Variants in PSAP observed in about 807,000 individuals in gnomAD.
PSAP encodes the protein prosaposin.
PSAP carries 25 observed loss-of-function variants against 66.0 expected under a neutral mutation model. The ratio of observed to expected loss-of-function variants is 0.38; its 90% CI spans 0.28 to 0.53. The LOEUF (loss-of-function observed/expected upper bound fraction) is 0.53, where lower values mean the gene tolerates loss of function less well. Among genes scored for constraint, PSAP ranks in the 20% least tolerant of loss-of-function variants. The probability of loss-of-function intolerance (pLI) is 0.83; values close to 1 mark genes in which losing one functional copy is unlikely to be tolerated. For missense variants in PSAP, 649 were observed against 668.8 expected, an observed-to-expected ratio of 0.97 and a Z score of 0.33; for synonymous variants, 273 against 258.9, an observed-to-expected ratio of 1.05 and a Z score of -0.52.
chr10:71,820,942 G>A (rs909083427), intron 8 of PSAP, among the ~76,000 whole-genome samples: 2 of 152,260 alleles, frequency 1.3e-5, no homozygotes, highest in Non-Finnish European at 2.9e-5. Flanking sequence ...TGTGGCTGGT[G>A]TAGCCAAGGG....
intron 8 of PSAP, among the ~76,000 whole-genome samples, chr10:71,821,663 A>G (rs1842302360): frequency 6.6e-6 from 1 of 152,250 alleles, no homozygotes; most frequent in Non-Finnish European, 1.5e-5. Context: ...TAGGGTTTAC[A>G]ACCAAGGAAA....
intron 1 of PSAP, among the ~76,000 whole-genome samples, chr10:71,836,525 C>T (rs778869759): frequency 1.4e-4 from 22 of 152,110 alleles, no homozygotes; most frequent in Admixed American, 6.6e-5. Flanking sequence ...GATACACTGC[C>T]TAGCCCTACC....
At chr10:71,822,559 C>G (rs1395313493) in intron 7 of PSAP, 1 of 471,674 alleles carries the variant, frequency 2.1e-6, no homozygotes, top group Non-Finnish European at 4.4e-6. Flanking sequence ...AAACCCAACC[C>G]GCCAAATGGA....
In PSAP at chr10:71,816,559, T is replaced by C; in HGVS notation, c.*882A>G. 1 of 441,658 alleles carries C rather than the reference T, an allele frequency of 2.3e-6. No homozygotes were observed. Among genetic ancestry groups the C allele is most frequent in the Non-Finnish European group, 4.8e-6 (1 of 206,356 alleles). The allele number at this position is 441,658 out of a possible 1,614,324, so 27.4% of individuals were successfully genotyped here. A position where few individuals can be genotyped will look rare whatever the true frequency, so the allele number is the denominator to read the frequency against. ...CAGAGGCCTAGGAGCTCGCCATCCATATTTATTTGAAAAGGTCAAAAGGAG... is the reference window on the plus strand; with the variant it reads ...CAGAGGCCTAGGAGCTCGCCATCCACATTTATTTGAAAAGGTCAAAAGGAG... On this transcript the variant is annotated 3_prime_UTR_variant, in exon 14 of 14. Transcript: ENST00000394936.
chr10:71,824,483 G>A (rs931206393), intron 7 of PSAP, among the ~76,000 whole-genome samples: 1 of 152,208 alleles, frequency 6.6e-6, no homozygotes, highest in Non-Finnish European at 1.5e-5. Flanking sequence ...AAGGGGAAAG[G>A]CAGGGATATG....
intron 1 of PSAP, among the ~76,000 whole-genome samples, chr10:71,836,266 A>C (rs554044005): frequency 6.6e-6 from 1 of 152,334 alleles, no homozygotes; most frequent in South Asian, 2.1e-4. Flanking sequence ...ATCAGTACCA[A>C]GCTCCCCAGA....
rs749938050 is a variant in PSAP at position 71,851,239 on chromosome 10, C to T, written c.-18G>A. On this transcript the variant is annotated 5_prime_UTR_variant, in exon 1 of 14. Coordinates refer to ENST00000394936, the MANE Select transcript of PSAP (RefSeq NM_002778.4). The stretch of plus-strand genomic sequence containing the variant: ...GCGTACATAGCGCCGTCTGACTCCG[C>T]AGTCTGCAATGCGGAGCGTCAGCTG... The T allele has an allele frequency of 3.9e-6, 6 of 1,550,904 alleles. No homozygotes were observed. Among genetic ancestry groups the T allele is most frequent in the South Asian group, 1.2e-5 (1 of 84,062 alleles).
At chr10:71,830,497 T>C (rs900805199) in intron 4 of PSAP, among the ~76,000 whole-genome samples, 4 of 152,208 alleles carry the variant, frequency 2.6e-5, no homozygotes, top group African/African-American at 7.2e-5. Flanking sequence ...AAGGCTGCAC[T>C]TGCAATCCTT....
rs757687480 is a variant in PSAP at position 71,831,885 on chromosome 10, GACA to G, written c.207_209del (p.Val70del). ...CCTTCAGCATATCACCAGCTGCGGT[GACA>G]ACGTCTTTGCATATGTCGCAGGGAA... is the stretch of plus-strand genomic sequence containing the variant. On this transcript the variant is annotated inframe_deletion, in exon 3 of 14. Transcript: ENST00000394936. 2.5e-6 allele frequency: 4 copies of G among 1,614,086 alleles called. No homozygotes were observed. The highest frequency in any genetic ancestry group is 3.4e-6 in the Non-Finnish European group (4 of 1,180,040).
At position 71,832,021 on chromosome 10, in the gene PSAP, G is replaced by A. The variant is rs983455275; in HGVS notation, c.175-101C>T. The A allele has an allele frequency of 5.3e-5, 64 of 1,203,880 alleles. No homozygotes were observed. In the African/African-American group the frequency reaches 8.2e-4, roughly 15 times the overall value. The allele number at this position is 1,203,880 out of a possible 1,614,324, so 74.6% of individuals were successfully genotyped here. ...CCTTTTCGCTATTCTCTCTAACCAG[G>A]GATATGATCATGACCGCGCTCCTGT... is the stretch of plus-strand genomic sequence containing the variant. On this transcript the variant is annotated intron_variant, in intron 2 of 13. Coordinates refer to ENST00000394936, the MANE Select transcript of PSAP (RefSeq NM_002778.4).
intron 8 of PSAP, among the ~76,000 whole-genome samples, chr10:71,821,328 T>C (rs538130473): frequency 1.3e-5 from 2 of 152,354 alleles, no homozygotes; most frequent in Non-Finnish European, 2.9e-5. Flanking sequence ...ACATCATCTG[T>C]TCACCACAGC....
intron 1 of PSAP, among the ~76,000 whole-genome samples, chr10:71,843,946 C>G (rs1171335356): frequency 6.6e-6 from 1 of 152,192 alleles, no homozygotes; most frequent in African/African-American, 2.4e-5. Context: ...ACTCAGTATA[C>G]TACCTTTGTA....
chr10:71,847,802 C>G (rs1842849101), intron 1 of PSAP, among the ~76,000 whole-genome samples: 1 of 152,158 alleles, frequency 6.6e-6, no homozygotes, highest in Non-Finnish European at 1.5e-5. Context: ...GGAGATTTAT[C>G]CAAAATCCCT....
chr10:71,839,045 C>T (rs1287273856), intron 1 of PSAP, among the ~76,000 whole-genome samples: 13 of 152,190 alleles, frequency 8.5e-5, no homozygotes, highest in Admixed American at 7.2e-4. Flanking sequence ...TATTCTCATC[C>T]TCCCACACCC....
At position 71,819,855 on chromosome 10, in the gene PSAP, T is replaced by G. The variant is rs1226622297; in HGVS notation, c.1051A>C (p.Lys351Gln). The G allele has an allele frequency of 5.0e-6, 8 of 1,614,040 alleles. No individual in the cohort carries two copies. The highest frequency in any genetic ancestry group is 6.8e-6 in the Non-Finnish European group (8 of 1,180,050). ...TCCTGGCACTCTTCCGACAGGGACT[T>G]CGGCAGCTTCGAGCACATTTTGTCA... Reference protein sequence around the residue: ...AFDKMCSKLPKSLSEECQEVV... With the variant: ...AFDKMCSKLPQSLSEECQEVV... The change falls in exon 10 of 14, where the codon AAG becomes CAG. Residue 351 changes from lysine to glutamine, a missense_variant. Physicochemically the swap from Lys to Gln is moderately conservative, Grantham distance 53. Coordinates refer to ENST00000394936, the MANE Select transcript of PSAP (RefSeq NM_002778.4).
At chr10:71,821,727 G>C (rs1227190218) in intron 8 of PSAP, 149 bp downstream of exon 8, 2 of 1,066,514 alleles carry the variant, frequency 1.9e-6, no homozygotes, top group Non-Finnish European at 2.8e-6. Context: ...ATAGGGGATA[G>C]GATAAACCAG....
At chr10:71,828,190 G>A in intron 5 of PSAP, 33 bp from the exon 6 acceptor site, 3 of 1,613,762 alleles carry the variant, frequency 1.9e-6, no homozygotes, top group Non-Finnish European at 1.7e-6. Context: ...TGCAACTTAA[G>A]AGGACTCAAA....
At chr10:71,821,531 G>C (rs1355744274) in intron 8 of PSAP, among the ~76,000 whole-genome samples, 1 of 152,190 alleles carries the variant, frequency 6.6e-6, no homozygotes, top group East Asian at 1.9e-4. Flanking sequence ...CAGTCTGTCA[G>C]GGCCACAGGA....
chr10:71,850,505 G>C (rs907481031), intron 1 of PSAP, among the ~76,000 whole-genome samples: 1 of 151,988 alleles, frequency 6.6e-6, no homozygotes, highest in South Asian at 2.1e-4. Flanking sequence ...TTGATGTCTC[G>C]TGCCTCCCGA....
Sources: allele counts gnomAD v4.1 joint callset (sites outside exome capture counted in the v4.1 genomes callset), GRCh38; gene constraint gnomAD v4.1.1; transcripts MANE v1.5; gene names NCBI Gene and HGNC (gene_info 2026-07-23, HGNC 2026-07-21).